ATP8B2: variants seen among roughly 807,000 people sequenced by gnomAD.
The protein encoded by ATP8B2 is phospholipid-transporting ATPase ID.
ATP8B2 carries 70 observed loss-of-function variants against 133.4 expected under a neutral mutation model. The observed-to-expected ratio is 0.52, with a 90% CI of 0.43 to 0.64. The LOEUF is 0.64. Ranked by LOEUF, ATP8B2 falls within the 30% of genes least tolerant of loss-of-function variation. The pLI, the probability that ATP8B2 is intolerant of heterozygous loss-of-function variation, is 0.00. For missense variants in ATP8B2, 1,101 were observed against 1,535.7 expected (o/e 0.72, Z 4.73); for synonymous variants, 517 against 589.5 (o/e 0.88, Z 1.78).
At chr1:154,347,564 G>A (rs1267320588) in intron 26 of ATP8B2, among the ~76,000 whole-genome samples, 1 of 152,156 alleles carries the variant, frequency 6.6e-6, no homozygotes, top group East Asian at 1.9e-4. Flanking sequence ...TGGGAGACTA[G>A]GAGGTGAGAG....
rs1288101051 is a variant in ATP8B2, at chr1:154,328,101, G to T, written c.-37-4G>T. 19 of 1,613,932 alleles carry T rather than the reference G, an allele frequency of 1.2e-5. No homozygotes were observed. The highest frequency in any genetic ancestry group is 6.7e-5 in the Admixed American group (4 of 60,004). ...TGACCTCATTCGTCTGTCACTTCTT[G>T]CAGGGTCTCCCATGGGATTGCTGGG... On this transcript the variant is annotated splice_polypyrimidine_tract_variant and splice_region_variant and intron_variant, in intron 1 of 27. Transcript: ENST00000368489. The surrounding 1 kb of genome is among the most constrained non-coding windows in gnomAD (Gnocchi z 4.6).
At chr1:154,347,456 G>C (rs1211418589) in intron 26 of ATP8B2, among the ~76,000 whole-genome samples, 2 of 152,108 alleles carry the variant, frequency 1.3e-5, no homozygotes, top group African/African-American at 4.8e-5. Flanking sequence ...AGCCATTGGA[G>C]GGCTTTGAGC....
intron 12 of ATP8B2, among the ~76,000 whole-genome samples, chr1:154,339,896 TA>T (rs1031411752): frequency 3.3e-5 from 5 of 152,070 alleles, no homozygotes; most frequent in African/African-American, 9.7e-5. Context: ...AAAGGCACTA[TA>T]GGGGCCAGGC....
rs979538741 is a variant in ATP8B2, at chr1:154,329,179, T to C, written c.31+1007T>C. Reference sequence around the variant, plus strand: ...CCTCCCCCTACCTGCCTTGATCCTCTTTCCAGACCCAGAGATCCTGGCTCC... The same window carrying C: ...CCTCCCCCTACCTGCCTTGATCCTCCTTCCAGACCCAGAGATCCTGGCTCC... On this transcript the variant is annotated intron_variant, in intron 2 of 27. Transcript: ENST00000368489. 1.1e-5 allele frequency: 12 copies of C among 1,064,216 alleles called. No individual in the cohort carries two copies. The Admixed American group carries it at 2.2e-4, about 20-fold the overall frequency. The allele number at this position is 1,064,216 out of a possible 1,614,324, so 65.9% of individuals were successfully genotyped here. A position where few individuals can be genotyped will look rare whatever the true frequency, so the allele number is the denominator to read the frequency against.
rs376380487 is a variant in ATP8B2 at position 154,345,916 on chromosome 1, G to A, written c.2778+33G>A. ...GGAGTTTGATGATCAGATGGGATGC[G>A]GGGAAGGTCACTGCTTGAAGGAGTC... On this transcript the variant is annotated intron_variant, in intron 24 of 27. Coordinates refer to ENST00000368489, the MANE Select transcript of ATP8B2 (RefSeq NM_001370597.1). This position sits in a 1 kb window ranked among gnomAD's most constrained non-coding sequence, Gnocchi z 5.6. 15 of 1,554,974 alleles carry A rather than the reference G, an allele frequency of 9.6e-6. No homozygotes were observed. Among genetic ancestry groups the A allele is most frequent in the Admixed American group, 6.7e-5 (4 of 59,792 alleles).
chr1:154,345,280 C>G lies in ATP8B2; in HGVS notation c.2471-42C>G, dbSNP rs764161603. Reference sequence around the variant, plus strand: ...CTTGGTAGGCTCTAAAGTGTGTGGCCGGTGGCCATCTTCACCCTCTTGTCA... The same window carrying G: ...CTTGGTAGGCTCTAAAGTGTGTGGCGGGTGGCCATCTTCACCCTCTTGTCA... On this transcript the variant is annotated intron_variant, in intron 22 of 27. Coordinates refer to ENST00000368489, the MANE Select transcript of ATP8B2 (RefSeq NM_001370597.1). This position sits in a 1 kb window ranked among gnomAD's most constrained non-coding sequence, Gnocchi z 5.6. 1.9e-6 allele frequency: 3 copies of G among 1,610,316 alleles called. No individual in the cohort carries two copies. Among genetic ancestry groups the G allele is most frequent in the Non-Finnish European group, 2.5e-6 (3 of 1,177,528 alleles).
chr1:154,341,942 C>T (rs2149171681), intron 13 of ATP8B2, among the ~76,000 whole-genome samples: 1 of 152,256 alleles, frequency 6.6e-6, no homozygotes, highest in East Asian at 1.9e-4. Context: ...CGGAACCCTG[C>T]TAGACTCTCC....
At position 154,345,512 on chromosome 1, in the gene ATP8B2, C is replaced by T. The variant is rs758880354; in HGVS notation, c.2661C>T (p.Phe887=). ...YKNFAFTMVH[F]WFGFFCGFSA... is the part of the protein sequence containing the mutation. The stretch of plus-strand genomic sequence containing the variant: ...ACTTTGCTTTCACCATGGTCCACTT[C>T]TGGTTTGGCTTCTTCTGTGGCTTCT... The change falls in exon 23 of 28, where the codon TTC becomes TTT. Residue 887 remains phenylalanine (F), a synonymous_variant. Transcript: ENST00000368489. This position sits in a 1 kb window ranked among gnomAD's most constrained non-coding sequence, Gnocchi z 5.6. 2.9e-5 allele frequency: 47 copies of T among 1,613,906 alleles called. No individual in the cohort carries two copies. Among genetic ancestry groups the T allele is most frequent in the Non-Finnish European group, 3.9e-5 (46 of 1,180,012 alleles).
chr1:154,329,413 C>T (rs1381772882), intron 2 of ATP8B2, among the ~76,000 whole-genome samples: 1 of 152,114 alleles, frequency 6.6e-6, no homozygotes, highest in Non-Finnish European at 1.5e-5. Context: ...CTTTGGCTCC[C>T]GGACAGGCTT....
intron 9 of ATP8B2, 50 bp downstream of exon 9, chr1:154,332,747 T>C (rs1233063226): frequency 7.2e-7 from 1 of 1,393,908 alleles, no homozygotes; most frequent in Non-Finnish European, 1.0e-6. Flanking sequence ...GGGGTTGGGT[T>C]TTGTTTGGGG....
rs764328459 is a variant in ATP8B2 at position 154,340,929 on chromosome 1, G to C, written c.1110G>C (p.Thr370=). The part of the protein sequence containing the change: ...DKKMFCMKKR[T]PAEARTTTLN... ...AGATGTTCTGCATGAAGAAGCGGAC[G>C]CCTGCAGAAGCCCGCACCACCACCC... The change falls in exon 13 of 28, where the codon ACG becomes ACC. Residue 370 remains threonine, a synonymous_variant. Coordinates refer to ENST00000368489, the MANE Select transcript of ATP8B2 (RefSeq NM_001370597.1). The surrounding 1 kb of genome is among the most constrained non-coding windows in gnomAD (Gnocchi z 4.0). The C allele has an allele frequency of 6.2e-7, 1 of 1,614,156 alleles. No homozygotes were observed. The highest frequency in any genetic ancestry group is 8.5e-7 in the Non-Finnish European group (1 of 1,180,018).
chr1:154,343,664 A>G lies in ATP8B2; in HGVS notation c.1758+96A>G. 1 of 1,217,966 alleles carries G rather than the reference A, an allele frequency of 8.2e-7. No individual in the cohort carries two copies. Among genetic ancestry groups the G allele is most frequent in the Non-Finnish European group, 1.2e-6 (1 of 842,436 alleles). The allele number at this position is 1,217,966 out of a possible 1,614,324, so 75.4% of individuals were successfully genotyped here. A position where few individuals can be genotyped will look rare whatever the true frequency, so the allele number is the denominator to read the frequency against. On this transcript the variant is annotated intron_variant, in intron 17 of 27. Coordinates refer to ENST00000368489, the MANE Select transcript of ATP8B2 (RefSeq NM_001370597.1). This position sits in a 1 kb window ranked among gnomAD's most constrained non-coding sequence, Gnocchi z 5.8. ...GTTTTATTGTGTAAATTTAAGGTCT[A>G]CAACGTGATGTTTTGATGTGTATAT...
chr1:154,341,536 A>G, intron 13 of ATP8B2: 1 of 197,826 alleles, frequency 5.1e-6, no homozygotes, highest in Non-Finnish European at 1.1e-5. Flanking sequence ...TCTGTGTCCC[A>G]TGTCAAGAAG....
intron 3 of ATP8B2, 165 bp downstream of exon 3, chr1:154,330,619 C>G (rs1391441824): frequency 1.1e-5 from 9 of 790,244 alleles, no homozygotes; most frequent in Non-Finnish European, 1.8e-5. Context: ...TTTTTCATGC[C>G]TTCACCTGTC....
chr1:154,345,587 C>T lies in ATP8B2; in HGVS notation c.2694+42C>T, dbSNP rs759416441. ...GTCCACTGTTGTGCAAATCTGTAAA[C>T]CTGAGGGCAGAGGTTCTGTCTTGTT... On this transcript the variant is annotated intron_variant, in intron 23 of 27. Transcript: ENST00000368489. The surrounding 1 kb of genome is among the most constrained non-coding windows in gnomAD (Gnocchi z 5.6). 1 of 1,540,392 alleles carries T rather than the reference C, an allele frequency of 6.5e-7. No individual in the cohort carries two copies. Among genetic ancestry groups the T allele is most frequent in the South Asian group, 1.1e-5 (1 of 87,740 alleles).
intron 1 of ATP8B2, 53 bp downstream of exon 1, chr1:154,325,755 G>A (rs1047018078): frequency 1.3e-5 from 2 of 152,950 alleles, no homozygotes; most frequent in African/African-American, 4.8e-5. Flanking sequence ...GGCCAGGAGG[G>A]CAGAGGGAGA....
chr1:154,328,123 T>C lies in ATP8B2; in HGVS notation c.-19T>C. ...CTTGCAGGGTCTCCCATGGGATTGC[T>C]GGGATCTTGCTGGGTGAGATGGCAG... On this transcript the variant is annotated 5_prime_UTR_variant, in exon 2 of 28. Coordinates refer to ENST00000368489, the MANE Select transcript of ATP8B2 (RefSeq NM_001370597.1). The surrounding 1 kb of genome is among the most constrained non-coding windows in gnomAD (Gnocchi z 4.6). 6.2e-7 allele frequency: 1 copy of C among 1,614,124 alleles called. No individual in the cohort carries two copies. The highest frequency in any genetic ancestry group is 8.5e-7 in the Non-Finnish European group (1 of 1,179,996).
In ATP8B2 at chr1:154,328,806, G is replaced by C; in HGVS notation, c.31+634G>C. The C allele has an allele frequency of 3.9e-6, 4 of 1,024,668 alleles. No homozygotes were observed. The highest frequency in any genetic ancestry group is 4.7e-6 in the Non-Finnish European group (4 of 856,080). The allele number at this position is 1,024,668 out of a possible 1,614,324, so 63.5% of individuals were successfully genotyped here. A position where few individuals can be genotyped will look rare whatever the true frequency, so the allele number is the denominator to read the frequency against. ...GCGGCGGCGGCGCAGCTGAGCTCGC[G>C]GTGTCCCCGAGCGCCGGCGGCCGGG... is the stretch of plus-strand genomic sequence containing the variant. On this transcript the variant is annotated intron_variant, in intron 2 of 27. Coordinates refer to ENST00000368489, the MANE Select transcript of ATP8B2 (RefSeq NM_001370597.1). The surrounding 1 kb of genome is among the most constrained non-coding windows in gnomAD (Gnocchi z 4.6).
intron 9 of ATP8B2, among the ~76,000 whole-genome samples, chr1:154,333,452 C>A (rs1453793798): frequency 1.3e-5 from 2 of 149,270 alleles, no homozygotes; most frequent in African/African-American, 4.9e-5. Context: ...TGCAGTGAGC[C>A]GAGATCGGGC....
Sources: gnomAD v4.1 joint callset for allele counts (sites outside exome capture counted in the v4.1 genomes callset) on GRCh38, gnomAD v4.1.1 for gene constraint, Gnocchi (gnomAD v3.1) non-coding constraint, MANE v1.5 for transcripts, NCBI Gene and HGNC (gene_info 2026-07-23, HGNC 2026-07-21) for gene names.